Variants in ZFAT observed in about 807,000 individuals in gnomAD.
ZFAT encodes zinc finger and AT-hook domain containing, also known as zinc finger protein ZFAT.
Under a neutral mutation model 117.7 loss-of-function variants are expected in ZFAT, and 64 were observed. That is an observed-to-expected ratio of 0.54 (90% CI 0.44 to 0.67). The LOEUF is 0.67. Among genes scored for constraint, ZFAT ranks in the 30% least tolerant of loss-of-function variants. The probability of loss-of-function intolerance (pLI) is 0.00; values close to 1 mark genes in which losing one functional copy is unlikely to be tolerated. For missense variants in ZFAT, 1,433 were observed against 1,584.5 expected (o/e 0.90, Z 1.62); for synonymous variants, 679 against 615.0 (o/e 1.10, Z -1.54).
chr8:134,688,734 C>T (rs1470585891), intron 1 of ZFAT, among the ~76,000 whole-genome samples: 1 of 152,158 alleles, frequency 6.6e-6, no homozygotes, highest in Non-Finnish European at 1.5e-5. Flanking sequence ...CACCCTCTCC[C>T]TCAGGGGCCT....
the ZFAT span, chr8:134,792,246 C>T: frequency 6.6e-6 from 1 of 152,178 alleles, no homozygotes; most frequent in South Asian, 2.1e-4. Context: ...ATAATTTTCT[C>T]TAACCTTCTA....
chr8:134,674,816 T>G (rs374741124), intron 1 of ZFAT: 3 of 294,000 alleles, frequency 1.0e-5, no homozygotes, highest in East Asian at 2.9e-4. Context: ...CAATCTTTGT[T>G]GTTCTGCAGC....
chr8:134,516,925 T>C (rs1316008598), intron 13 of ZFAT, among the ~76,000 whole-genome samples: 1 of 152,162 alleles, frequency 6.6e-6, no homozygotes, highest in Admixed American at 6.5e-5. Flanking sequence ...ATTTTCAAAA[T>C]AAAGAGTTGA....
intron 1 of ZFAT, among the ~76,000 whole-genome samples, chr8:134,699,053 C>A (rs1419209758): frequency 6.6e-6 from 1 of 152,142 alleles, no homozygotes; most frequent in African/African-American, 2.4e-5. Flanking sequence ...TTCCAGGGCA[C>A]CTTGTATTTC....
rs1238464014 is a variant in ZFAT, at chr8:134,478,027, C to T, written c.*455G>A. The T allele has an allele frequency of 3.3e-5, 6 of 179,230 alleles. No individual in the cohort carries two copies. The highest frequency in any genetic ancestry group is 1.1e-4 in the Admixed American group (2 of 18,562). 11.1% of individuals were successfully genotyped at this position (179,230 alleles called of 1,614,324 possible). ...CCCCACCCAGCAGTGATTAAAAACC[C>T]GTACGGTCACTTTCTATGTGATGGC... On this transcript the variant is annotated 3_prime_UTR_variant, in exon 16 of 16. Coordinates refer to ENST00000377838, the MANE Select transcript of ZFAT (RefSeq NM_020863.4). The surrounding 1 kb of genome is among the most constrained non-coding windows in gnomAD (Gnocchi z 5.2).
chr8:134,692,707 C>T (rs769665564), intron 1 of ZFAT, among the ~76,000 whole-genome samples: 18 of 152,180 alleles, frequency 1.2e-4, no homozygotes, highest in Non-Finnish European at 2.5e-4. Context: ...AAATAGGAGA[C>T]GATCAACCCA....
At chr8:134,790,103 T>C in the ZFAT span, among the ~76,000 whole-genome samples, 1 of 152,090 alleles carries the variant, frequency 6.6e-6, no homozygotes, top group African/African-American at 2.4e-5. Flanking sequence ...CCTGCTAAAG[T>C]AATTTTTTAA....
chr8:134,606,310 G>T (rs754856282), intron 5 of ZFAT, among the ~76,000 whole-genome samples: 2 of 152,216 alleles, frequency 1.3e-5, no homozygotes, highest in Non-Finnish European at 2.9e-5. Context: ...CCAATGTCAA[G>T]AGTTGAGTTG....
the ZFAT span, among the ~76,000 whole-genome samples, chr8:134,789,185 A>T: frequency 6.6e-6 from 1 of 152,206 alleles, no homozygotes; most frequent in Non-Finnish European, 1.5e-5. Context: ...AGTGCTTAAG[A>T]GATTACAACA....
At chr8:134,718,621 A>T in the ZFAT span, among the ~76,000 whole-genome samples, 281 of 152,210 alleles carry the variant, frequency 1.8e-3, 1 homozygote, top group African/African-American at 6.3e-3. Context: ...ATCCCAGCAA[A>T]GAAACGGAAA....
chr8:134,755,880 A>C, the ZFAT span, among the ~76,000 whole-genome samples: 1 of 151,782 alleles, frequency 6.6e-6, no homozygotes, highest in African/African-American at 2.4e-5. Context: ...ATTTCCTTTC[A>C]CTTGCAACCG....
chr8:134,825,195 T>G, the ZFAT span, among the ~76,000 whole-genome samples: 1 of 152,224 alleles, frequency 6.6e-6, no homozygotes, highest in African/African-American at 2.4e-5. Flanking sequence ...TACAATTCAC[T>G]ACTCCTGACT....
intron 11 of ZFAT, among the ~76,000 whole-genome samples, chr8:134,551,219 T>C (rs1823143549): frequency 6.6e-6 from 1 of 152,200 alleles, no homozygotes. Flanking sequence ...TACAGAGACA[T>C]GGATCAAAAT....
At chr8:134,772,332 GA>G in the ZFAT span, among the ~76,000 whole-genome samples, 2 of 152,190 alleles carry the variant, frequency 1.3e-5, no homozygotes, top group Non-Finnish European at 2.9e-5. Flanking sequence ...GTTCACGAAG[GA>G]AATTCAAAGT....
intron 10 of ZFAT, among the ~76,000 whole-genome samples, chr8:134,583,374 C>G (rs1416044790): frequency 6.6e-6 from 1 of 152,170 alleles, no homozygotes; most frequent in Non-Finnish European, 1.5e-5. Context: ...GTCAAATCTG[C>G]CCAAATGTTG....
chr8:134,750,623 G>T, the ZFAT span, among the ~76,000 whole-genome samples: 1 of 152,136 alleles, frequency 6.6e-6, no homozygotes, highest in African/African-American at 2.4e-5. Flanking sequence ...ATGTAAAGCT[G>T]GGCATGTTGG....
the ZFAT span, among the ~76,000 whole-genome samples, chr8:134,724,218 G>A: frequency 2.6e-5 from 4 of 152,212 alleles, no homozygotes; most frequent in Admixed American, 6.5e-5. Flanking sequence ...GAGGGTGATG[G>A]CAGCTGCCCT....
chr8:134,756,693 G>A, the ZFAT span, among the ~76,000 whole-genome samples: 1 of 152,210 alleles, frequency 6.6e-6, no homozygotes, highest in African/African-American at 2.4e-5. Flanking sequence ...TTCCTCCTAA[G>A]GGGCAGCTCA....
chr8:134,741,616 T>C, the ZFAT span, among the ~76,000 whole-genome samples: 2 of 152,172 alleles, frequency 1.3e-5, no homozygotes, highest in African/African-American at 4.8e-5. Context: ...ACAGTCTTCC[T>C]GGGTAACAGA....
Sources: gnomAD v4.1 joint callset for allele counts (sites outside exome capture counted in the v4.1 genomes callset) on GRCh38, gnomAD v4.1.1 for gene constraint, Gnocchi (gnomAD v3.1) non-coding constraint, MANE v1.5 for transcripts, NCBI Gene and HGNC (gene_info 2026-07-23, HGNC 2026-07-21) for gene names.